The following CENPK variants were observed in gnomAD, a reference collection of about 807,000 sequenced individuals.
The protein encoded by CENPK is centromere protein K.
A neutral mutation model predicts 40.9 loss-of-function variants in CENPK; 46 were observed. That is an observed-to-expected ratio of 1.13 (90% CI 0.89 to 1.44). The LOEUF (loss-of-function observed/expected upper bound fraction) is 1.44. CENPK is among the 40% of genes most tolerant of loss of function. CENPK has a pLI of 0.00. For synonymous variants in CENPK, 107 were observed against 104.4 expected (o/e 1.02, Z -0.15); for missense variants, 288 against 303.5 (o/e 0.95, Z 0.38).
At chr5:65,518,703 T>TGTCAAA (rs1743161707) in intron 10 of CENPK, 70 bp from the exon 11 acceptor site, 5 of 946,828 alleles carry the variant, frequency 5.3e-6, no homozygotes, top group Non-Finnish European at 7.9e-6. Flanking sequence ...GAAAGTTTTT[T>TGTCAAA]GTCAAAGAAT....
chr5:65,535,341 A>G (rs998174959), intron 6 of CENPK, among the ~76,000 whole-genome samples: 5 of 152,180 alleles, frequency 3.3e-5, no homozygotes, highest in African/African-American at 1.2e-4. Context: ...CTGTCTTCAG[A>G]ACTGCCCTTG....
Position 65,542,075 on chromosome 5 carries a change from T to G in CENPK, c.288+727A>C, listed in dbSNP as rs544772217. ...CGTTTATAAGGGCATTAATTTCATT[T>G]ATGAAGGCCCTACACTCAGCACCTA... is the stretch of plus-strand genomic sequence containing the variant. On this transcript the variant is annotated intron_variant, in intron 6 of 10. Transcript: ENST00000396679. Among the ~76,000 whole-genome samples the G allele has an allele frequency of 2.6e-5, 4 of 152,120 alleles. No individual in the cohort carries two copies. The South Asian group carries it at 8.3e-4, about 32-fold the overall frequency.
chr5:65,534,695 G>A lies in CENPK; in HGVS notation c.289-5496C>T, dbSNP rs560506130. Reference sequence around the variant, plus strand: ...GTATCCAAATGAAAACAAATGACCCGATATCACTAACTCATACTATATATA... The same window carrying A: ...GTATCCAAATGAAAACAAATGACCCAATATCACTAACTCATACTATATATA... On this transcript the variant is annotated intron_variant, in intron 6 of 10. Transcript: ENST00000396679. Among the ~76,000 whole-genome samples, 44 of 152,268 alleles carry A rather than the reference G, an allele frequency of 2.9e-4. No homozygotes were observed. The South Asian group carries it at 7.5e-3, about 26-fold the overall frequency.
intron 6 of CENPK, among the ~76,000 whole-genome samples, chr5:65,538,913 A>G (rs1356499940): frequency 6.6e-6 from 1 of 152,114 alleles, no homozygotes; most frequent in African/African-American, 2.4e-5. Flanking sequence ...TTAGCTCCAC[A>G]CTTGAACTCT....
At chr5:65,501,058 G>A in the CENPK span, among the ~76,000 whole-genome samples, 1 of 151,426 alleles carries the variant, frequency 6.6e-6, no homozygotes, top group East Asian at 1.9e-4. Context: ...TCTTGAATCT[G>A]GTTATTGTGC....
chr5:65,544,896 T>G (rs1246042321), intron 5 of CENPK, among the ~76,000 whole-genome samples: 1 of 152,194 alleles, frequency 6.6e-6, no homozygotes, highest in African/African-American at 2.4e-5. Flanking sequence ...AGTTGTTGTT[T>G]AATGTGTATA....
At chr5:65,498,219 A>C in the CENPK span, among the ~76,000 whole-genome samples, 2 of 152,052 alleles carry the variant, frequency 1.3e-5, no homozygotes, top group Admixed American at 6.6e-5. Flanking sequence ...TATATTATAT[A>C]TCTCTCTAAT....
chr5:65,559,352 G>A (rs548417993), intron 2 of CENPK, among the ~76,000 whole-genome samples: 58 of 152,260 alleles, frequency 3.8e-4, no homozygotes, highest in East Asian at 1.4e-3. Context: ...TGGAAGGGCC[G>A]GGCGCGGTGG....
chr5:65,512,145 T>C, the CENPK span, among the ~76,000 whole-genome samples: 1 of 152,186 alleles, frequency 6.6e-6, no homozygotes, highest in Non-Finnish European at 1.5e-5. Flanking sequence ...TGATACAACT[T>C]GAACAGATGA....
At chr5:65,501,864 T>C in the CENPK span, among the ~76,000 whole-genome samples, 13 of 152,186 alleles carry the variant, frequency 8.5e-5, no homozygotes, top group Non-Finnish European at 1.6e-4. Flanking sequence ...ACTGATTCTA[T>C]AGTCAAGAGT....
chr5:65,521,072 T>C (rs1743643351), intron 10 of CENPK, among the ~76,000 whole-genome samples: 1 of 152,112 alleles, frequency 6.6e-6, no homozygotes. Context: ...AATCTTTAAG[T>C]TCATTACGTA....
chr5:65,541,313 G>T (rs1371807459), intron 6 of CENPK: 2 of 443,534 alleles, frequency 4.5e-6, no homozygotes, highest in Non-Finnish European at 4.6e-6. Flanking sequence ...CCGGGGTCAG[G>T]CATGTGGGAC....
chr5:65,555,935 G>C (rs778888529), intron 2 of CENPK, among the ~76,000 whole-genome samples: 1 of 152,134 alleles, frequency 6.6e-6, no homozygotes, highest in Non-Finnish European at 1.5e-5. Flanking sequence ...TTTTGAGCTA[G>C]CAATATGAAT....
intron 9 of CENPK, 60 bp from the exon 10 acceptor site, chr5:65,521,588 T>A (rs893662112): frequency 8.9e-7 from 1 of 1,122,852 alleles, no homozygotes; most frequent in African/African-American, 1.6e-5. Flanking sequence ...TGGTGAAATA[T>A]TGGACTGTTT....
chr5:65,538,535 G>C (rs1419562498), intron 6 of CENPK, among the ~76,000 whole-genome samples: 1 of 152,146 alleles, frequency 6.6e-6, no homozygotes, highest in East Asian at 1.9e-4. Context: ...ATACATTCAA[G>C]AGAAGCCAAG....
At chr5:65,507,935 C>G in the CENPK span, among the ~76,000 whole-genome samples, 1 of 152,276 alleles carries the variant, frequency 6.6e-6, no homozygotes, top group East Asian at 1.9e-4. Context: ...AAACTTCATT[C>G]ACATTTGTCT....
At chr5:65,556,946 G>T (rs1227796167) in intron 2 of CENPK, among the ~76,000 whole-genome samples, 2 of 152,200 alleles carry the variant, frequency 1.3e-5, no homozygotes, top group Non-Finnish European at 2.9e-5. Flanking sequence ...GTGCTCACAT[G>T]ATGAAATCAT....
At chr5:65,552,846 T>C (rs1158097267) in intron 3 of CENPK, among the ~76,000 whole-genome samples, 1 of 147,830 alleles carries the variant, frequency 6.8e-6, no homozygotes, top group Non-Finnish European at 1.5e-5. Context: ...GATAAAAAAA[T>C]AAGAGGGAAA....
chr5:65,512,192 T>C, the CENPK span, among the ~76,000 whole-genome samples: 1 of 152,216 alleles, frequency 6.6e-6, no homozygotes, highest in Non-Finnish European at 1.5e-5. Context: ...AAATGGTTTC[T>C]TGAGATGGAA....
Sources: gnomAD v4.1 joint callset for allele counts (sites outside exome capture counted in the v4.1 genomes callset) on GRCh38, gnomAD v4.1.1 for gene constraint, MANE v1.5 for transcripts, NCBI Gene and HGNC (gene_info 2026-07-23, HGNC 2026-07-21) for gene names.